SAMD12: variants seen among roughly 807,000 people sequenced by gnomAD.
The protein encoded by SAMD12 is sterile alpha motif domain-containing protein 12.
Under a neutral mutation model 15.0 loss-of-function variants are expected in SAMD12, and 9 were observed. The observed-to-expected ratio is 0.60, with a 90% confidence interval of 0.36 to 1.05. The LOEUF (loss-of-function observed/expected upper bound fraction) is 1.05, where lower values mean the gene tolerates loss of function less well. SAMD12 is among the 50% of genes least tolerant of loss of function. The probability of loss-of-function intolerance (pLI) is 0.01; values close to 1 mark genes in which losing one functional copy is unlikely to be tolerated. For synonymous variants in SAMD12, 86 were observed against 90.1 expected, an observed-to-expected ratio of 0.96 and a Z score of 0.25; for missense variants, 230 against 234.2, an observed-to-expected ratio of 0.98 and a Z score of 0.12.
rs540326884 is a variant in SAMD12, at chr8:118,360,674, G to C, written c.433+18886C>G. Among the ~76,000 whole-genome samples, 14 of 152,306 alleles carry C rather than the reference G, an allele frequency of 9.2e-5. No homozygotes were observed. In the South Asian group the frequency reaches 1.2e-3, roughly 14 times the overall value. ...TACCCACGGGGATTTTGCCACAAAG[G>C]GTGGATGATTAAGGAGTTCACATTT... On this transcript the variant is annotated intron_variant, in intron 4 of 4. Transcript: ENST00000409003.
chr8:118,348,579 C>G (rs1332276712), intron 4 of SAMD12, among the ~76,000 whole-genome samples: 1 of 152,034 alleles, frequency 6.6e-6, no homozygotes, highest in African/African-American at 2.4e-5. Flanking sequence ...TCACCGTGTT[C>G]GCTAGGATGG....
chr8:118,310,498 T>A (rs1414071741), intron 4 of SAMD12, among the ~76,000 whole-genome samples: 1 of 152,218 alleles, frequency 6.6e-6, no homozygotes, highest in Non-Finnish European at 1.5e-5. Flanking sequence ...TGAAAGACAC[T>A]GAGTTTTCTG....
chr8:118,175,257 T>A, the SAMD12 span, among the ~76,000 whole-genome samples: 2 of 152,140 alleles, frequency 1.3e-5, no homozygotes, highest in South Asian at 4.1e-4. Context: ...CCCTATTTAA[T>A]AAATGGTGCT....
rs371635152 is a variant in SAMD12 at position 118,581,528 on chromosome 8, T to C, written c.14-635A>G. 2.0e-5 allele frequency among the ~76,000 whole-genome samples: 3 copies of C among 152,096 alleles called. No homozygotes were observed. The East Asian group carries it at 5.8e-4, about 29-fold the overall frequency. Reference sequence around the variant, plus strand: ...CATGGCAAAGAAAAAAAAGCCAGAGTGGAGGGCTCAAGGGCATCAAGCCCA... The same window carrying C: ...CATGGCAAAGAAAAAAAAGCCAGAGCGGAGGGCTCAAGGGCATCAAGCCCA... On this transcript the variant is annotated intron_variant, in intron 1 of 3. Coordinates refer to ENST00000314727, the MANE Select transcript of SAMD12 (RefSeq NM_207506.3).
the SAMD12 span, among the ~76,000 whole-genome samples, chr8:118,132,318 C>A: frequency 6.6e-6 from 1 of 152,174 alleles, no homozygotes; most frequent in Admixed American, 6.6e-5. Context: ...CAAAGTTTTT[C>A]ATTCTCCAGT....
At chr8:118,408,678 C>A (rs1411980622) in intron 3 of SAMD12, among the ~76,000 whole-genome samples, 2 of 152,146 alleles carry the variant, frequency 1.3e-5, no homozygotes, top group African/African-American at 4.8e-5. Context: ...ACAATCCACT[C>A]AGTTAACCAT....
At position 118,553,183 on chromosome 8, in the gene SAMD12, T is replaced by G. The variant is rs558191823; in HGVS notation, c.192+27532A>C. Among the ~76,000 whole-genome samples, 345 of 152,132 alleles carry G rather than the reference T, an allele frequency of 2.3e-3. 3 individuals are homozygous for G. The highest frequency in any genetic ancestry group is 7.1e-3 in the African/African-American group (296 of 41,510). On this transcript the variant is annotated intron_variant, in intron 2 of 3. Transcript: ENST00000314727. ...CTTCACAGAATTGGAAAAAACTACT[T>G]TAAAGTTCATATGGAACCAAAAAAA...
At chr8:118,176,300 A>G in the SAMD12 span, among the ~76,000 whole-genome samples, 2 of 152,118 alleles carry the variant, frequency 1.3e-5, no homozygotes, top group East Asian at 3.8e-4. Flanking sequence ...AACTCTGTCT[A>G]AAAAAAGAAA....
intron 1 of SAMD12, among the ~76,000 whole-genome samples, chr8:118,592,356 C>T (rs1343609606): frequency 6.6e-6 from 1 of 151,978 alleles, no homozygotes; most frequent in Non-Finnish European, 1.5e-5. Flanking sequence ...CCACATAGTT[C>T]CCATGTTACT....
intron 3 of SAMD12, among the ~76,000 whole-genome samples, chr8:118,407,117 A>G (rs35452371): frequency 0.15 from 22,172 of 152,142 alleles, 1,845 homozygotes; most frequent in Non-Finnish European, 0.19. Context: ...AACAACAACA[A>G]CAACAAAACC....
At chr8:118,303,298 G>T (rs889777629) in intron 4 of SAMD12, among the ~76,000 whole-genome samples, 9 of 152,188 alleles carry the variant, frequency 5.9e-5, no homozygotes, top group Non-Finnish European at 1.3e-4. Flanking sequence ...GTCTTCAAAT[G>T]AATGGTACTT....
intron 2 of SAMD12, among the ~76,000 whole-genome samples, chr8:118,527,303 C>A (rs990431334): frequency 4.6e-5 from 7 of 152,196 alleles, no homozygotes; most frequent in African/African-American, 1.7e-4. Context: ...CCCACAGGAG[C>A]TTCCCACAGC....
intron 4 of SAMD12, among the ~76,000 whole-genome samples, chr8:118,328,447 T>G (rs1006399964): frequency 6.6e-6 from 1 of 152,234 alleles, no homozygotes; most frequent in Non-Finnish European, 1.5e-5. Context: ...CCCCCTTATG[T>G]ACAATTATAA....
chr8:118,616,957 A>G (rs767912662), intron 1 of SAMD12, among the ~76,000 whole-genome samples: 18 of 152,202 alleles, frequency 1.2e-4, no homozygotes, highest in Non-Finnish European at 2.4e-4. Context: ...CTGAGGTGGA[A>G]CAGTTTCATC....
In SAMD12 at chr8:118,267,224, T is replaced by C. The variant is rs527290234; in HGVS notation, c.434-69492A>G. 9.2e-5 allele frequency among the ~76,000 whole-genome samples: 14 copies of C among 152,232 alleles called. No individual in the cohort carries two copies. The South Asian group carries it at 2.9e-3, about 32-fold the overall frequency. On this transcript the variant is annotated intron_variant, in intron 4 of 4. Transcript: ENST00000409003. ...TCTTCCCTCCTCCACCTCAGCCTTTTTAAGAAAAAGGCATATATATACCCT... is the reference window on the plus strand; with the variant it reads ...TCTTCCCTCCTCCACCTCAGCCTTTCTAAGAAAAAGGCATATATATACCCT...
chr8:118,340,198 C>A (rs1817282211), intron 4 of SAMD12, among the ~76,000 whole-genome samples: 1 of 152,104 alleles, frequency 6.6e-6, no homozygotes, highest in Non-Finnish European at 1.5e-5. Context: ...CAAATATACA[C>A]CCAAAAGAAA....
the SAMD12 span, among the ~76,000 whole-genome samples, chr8:118,164,811 G>GTATA: frequency 2.0e-5 from 3 of 149,064 alleles, no homozygotes; most frequent in African/African-American, 7.4e-5. Flanking sequence ...GTCTCTCTCT[G>GTATA]TATATATATA....
At chr8:118,334,877 GAC>G (rs1177817239) in intron 4 of SAMD12, among the ~76,000 whole-genome samples, 1 of 152,154 alleles carries the variant, frequency 6.6e-6, no homozygotes. Flanking sequence ...ACGGGCATGA[GAC>G]ACCATGCCCG....
At chr8:118,405,361 C>T (rs1047258508) in intron 3 of SAMD12, among the ~76,000 whole-genome samples, 2 of 152,006 alleles carry the variant, frequency 1.3e-5, no homozygotes, top group African/African-American at 2.4e-5. Flanking sequence ...TGGAATGTTT[C>T]AACAATGAAC....
Sources: allele counts gnomAD v4.1 joint callset (sites outside exome capture counted in the v4.1 genomes callset), GRCh38; gene constraint gnomAD v4.1.1; transcripts MANE v1.5; gene names NCBI Gene and HGNC (gene_info 2026-07-23, HGNC 2026-07-21).